CNTN4: variants seen among roughly 807,000 people sequenced by gnomAD.
CNTN4 encodes the protein contactin-4.
Under a neutral mutation model 122.5 loss-of-function variants are expected in CNTN4, and 77 were observed. The ratio of observed to expected loss-of-function variants is 0.63; its 90% CI spans 0.52 to 0.76. The LOEUF is 0.76. Ranked by LOEUF, CNTN4 falls within the 30% of genes least tolerant of loss-of-function variation. CNTN4 has a pLI of 0.00. For synonymous variants in CNTN4, 512 were observed against 447.0 expected (o/e 1.15, Z -1.83); for missense variants, 1,256 against 1,259.1 (o/e 1.00, Z 0.04).
intron 2 of CNTN4, among the ~76,000 whole-genome samples, chr3:2,278,384 G>A (rs768004863): frequency 2.0e-5 from 3 of 152,178 alleles, no homozygotes; most frequent in Non-Finnish European, 4.4e-5. Context: ...TTACTGAGAA[G>A]GTAGGAAAGT....
At chr3:2,779,176 C>T (rs569747093) in intron 6 of CNTN4, among the ~76,000 whole-genome samples, 159 of 152,214 alleles carry the variant, frequency 1.0e-3, no homozygotes, top group African/African-American at 3.4e-3. Context: ...AATAACATCA[C>T]GATGTTGAAA....
At position 2,856,139 on chromosome 3, in the gene CNTN4, T is replaced by C. The variant is rs1370054182; in HGVS notation, c.455-10613T>C. Among the ~76,000 whole-genome samples the C allele has an allele frequency of 5.9e-5, 9 of 152,216 alleles. No individual in the cohort carries two copies. The East Asian group carries it at 1.7e-3, about 29-fold the overall frequency. The stretch of plus-strand genomic sequence containing the variant: ...CCACTTCGATTCAACTAATGCTTAG[T>C]AAGTTGATTTCACAAAAGTAAAGTG... On this transcript the variant is annotated intron_variant, in intron 7 of 24. Transcript: ENST00000418658.
chr3:2,120,366 T>TATAA (rs2033646953), intron 2 of CNTN4, among the ~76,000 whole-genome samples: 4 of 48,750 alleles, frequency 8.2e-5, no homozygotes, highest in African/African-American at 2.5e-4. Context: ...TATATATATA[T>TATAA]ATATATAAAT....
intron 2 of CNTN4, among the ~76,000 whole-genome samples, chr3:2,245,138 C>G (rs1043001406): frequency 9.2e-5 from 14 of 151,976 alleles, no homozygotes; most frequent in Admixed American, 2.0e-4. Flanking sequence ...GTTCCCATAT[C>G]TGGATGATAG....
At chr3:2,515,770 C>T (rs2077022197) in intron 3 of CNTN4, among the ~76,000 whole-genome samples, 1 of 151,984 alleles carries the variant, frequency 6.6e-6, no homozygotes, top group South Asian at 2.1e-4. Flanking sequence ...ACTGCAGATA[C>T]TGGAAAAAGC....
At chr3:2,842,009 G>A (rs779701762) in intron 7 of CNTN4, among the ~76,000 whole-genome samples, 67 of 151,932 alleles carry the variant, frequency 4.4e-4, no homozygotes, top group Non-Finnish European at 4.4e-4. Flanking sequence ...TTTTTTTCAA[G>A]AACATGTTAT....
At chr3:2,454,019 C>T (rs1304208591) in intron 3 of CNTN4, among the ~76,000 whole-genome samples, 1 of 151,048 alleles carries the variant, frequency 6.6e-6, no homozygotes, top group Non-Finnish European at 1.5e-5. Flanking sequence ...CCTCAGAATT[C>T]TATAGCATTC....
At chr3:2,868,851 G>A (rs927047118) in intron 8 of CNTN4, among the ~76,000 whole-genome samples, 1 of 152,086 alleles carries the variant, frequency 6.6e-6, no homozygotes, top group East Asian at 1.9e-4. Context: ...GTGGGTTTGG[G>A]GGGTGGTGGG....
intron 7 of CNTN4, among the ~76,000 whole-genome samples, chr3:2,829,123 T>G (rs1320145781): frequency 6.6e-6 from 1 of 152,196 alleles, no homozygotes; most frequent in East Asian, 1.9e-4. Flanking sequence ...CTCCTTTATT[T>G]GAAATGTAAT....
chr3:2,312,084 C>T (rs746425471), intron 2 of CNTN4, among the ~76,000 whole-genome samples: 2 of 151,594 alleles, frequency 1.3e-5, no homozygotes, highest in African/African-American at 2.4e-5. Flanking sequence ...GAGGTTAAGG[C>T]GGCAGGATCA....
intron 16 of CNTN4, among the ~76,000 whole-genome samples, chr3:3,032,083 G>A (rs1039253): frequency 0.05 from 7,541 of 152,202 alleles, 614 homozygotes; most frequent in African/African-American, 0.17. Context: ...CAATGTGTCT[G>A]CTTTGTTCCC....
intron 6 of CNTN4, among the ~76,000 whole-genome samples, chr3:2,788,862 A>T (rs926646632): frequency 6.6e-6 from 1 of 152,032 alleles, no homozygotes; most frequent in Non-Finnish European, 1.5e-5. Flanking sequence ...GACAAGAAAA[A>T]TTTTCTTTTT....
At chr3:2,904,849 A>G (rs2094212252) in intron 12 of CNTN4, among the ~76,000 whole-genome samples, 1 of 152,194 alleles carries the variant, frequency 6.6e-6, no homozygotes, top group Non-Finnish European at 1.5e-5. Context: ...AACCCTCTAT[A>G]TGAGCGCTAG....
intron 3 of CNTN4, among the ~76,000 whole-genome samples, chr3:2,382,217 TG>T (rs1351083472): frequency 8.6e-5 from 13 of 151,582 alleles, no homozygotes; most frequent in Non-Finnish European, 1.6e-4. Context: ...TCACCCAGGC[TG>T]GAGTGCAGTG....
At chr3:2,646,073 C>A (rs1262475388) in intron 4 of CNTN4, among the ~76,000 whole-genome samples, 1 of 152,044 alleles carries the variant, frequency 6.6e-6, no homozygotes, top group African/African-American at 2.4e-5. Context: ...ATTGGGAAAC[C>A]GATTTTGTCT....
rs183949297 is a variant in CNTN4, at chr3:2,409,493, C to T, written c.-89+70260C>T. ...CGAATTCCTGACCTTGTGATCTGCA[C>T]GCCTCAGCCTCCCAAAGTGCTGAGA... On this transcript the variant is annotated intron_variant, in intron 3 of 24. Transcript: ENST00000418658. 3.8e-4 allele frequency among the ~76,000 whole-genome samples: 58 copies of T among 152,154 alleles called. No individual in the cohort carries two copies. The Middle Eastern group carries it at 0.01, about 27-fold the overall frequency.
At chr3:2,393,380 G>A (rs1480836797) in intron 3 of CNTN4, among the ~76,000 whole-genome samples, 7 of 152,136 alleles carry the variant, frequency 4.6e-5, no homozygotes, top group Admixed American at 2.0e-4. Context: ...ACAATTTAAT[G>A]CGTGACACTC....
intron 7 of CNTN4, among the ~76,000 whole-genome samples, chr3:2,856,891 T>G (rs944335499): frequency 6.6e-6 from 1 of 152,132 alleles, no homozygotes; most frequent in African/African-American, 2.4e-5. Context: ...CACAGAGGAT[T>G]TGTGTGGGAA....
chr3:2,611,862 A>G (rs2081505110), intron 4 of CNTN4, among the ~76,000 whole-genome samples: 1 of 152,086 alleles, frequency 6.6e-6, no homozygotes, highest in Admixed American at 6.6e-5. Context: ...TACAGTTTTT[A>G]ATCACTTTTT....
Sources: gnomAD v4.1 joint callset for allele counts (sites outside exome capture counted in the v4.1 genomes callset) on GRCh38, gnomAD v4.1.1 for gene constraint, MANE v1.5 for transcripts, NCBI Gene and HGNC (gene_info 2026-07-23, HGNC 2026-07-21) for gene names.